FIP1L1: variants seen among roughly 807,000 people sequenced by gnomAD.
FIP1L1 encodes pre-mRNA 3'-end-processing factor FIP1.
In FIP1L1, 21 loss-of-function variants were observed where a neutral mutation model predicts 84.6. The ratio of observed to expected loss-of-function variants is 0.25; its 90% CI spans 0.18 to 0.36. The LOEUF (loss-of-function observed/expected upper bound fraction) is 0.36, where lower values mean the gene tolerates loss of function less well. Among genes scored for constraint, FIP1L1 ranks in the 10% least tolerant of loss-of-function variants. The probability of loss-of-function intolerance (pLI) is 1.00; values close to 1 mark genes in which losing one functional copy is unlikely to be tolerated. For synonymous variants in FIP1L1, 263 were observed against 242.3 expected (o/e 1.09, Z -0.80); for missense variants, 526 against 751.1 (o/e 0.70, Z 3.50).
intron 4 of FIP1L1, among the ~76,000 whole-genome samples, chr4:53,382,874 T>C (rs1464711469): frequency 3.9e-5 from 6 of 152,224 alleles, no homozygotes; most frequent in African/African-American, 1.2e-4. Flanking sequence ...TACTATGATG[T>C]GATTAAGCAC....
intron 11 of FIP1L1, among the ~76,000 whole-genome samples, chr4:53,416,495 T>C (rs1382391240): frequency 2.0e-5 from 3 of 152,176 alleles, no homozygotes; most frequent in Non-Finnish European, 4.4e-5. Context: ...AACTCTTTAT[T>C]TTCTGACTAG....
At chr4:53,378,354 CTAAA>C in intron 1 of FIP1L1, 1 of 159,410 alleles carries the variant, frequency 6.3e-6, no homozygotes, top group African/African-American at 2.4e-5. Flanking sequence ...GTAATAATAG[CTAAA>C]TAAAGTTAAT....
intron 11 of FIP1L1, among the ~76,000 whole-genome samples, chr4:53,422,704 A>G (rs185902535): frequency 1.7e-3 from 251 of 151,270 alleles, no homozygotes; most frequent in African/African-American, 5.3e-3. Flanking sequence ...TGAGATATAT[A>G]TATATGTATA....
chr4:53,389,538 C>T (rs1743012268), intron 5 of FIP1L1, among the ~76,000 whole-genome samples: 1 of 151,952 alleles, frequency 6.6e-6, no homozygotes, highest in African/African-American at 2.4e-5. Context: ...TATGTGTTAG[C>T]TGGGCACGGT....
At chr4:53,387,864 A>G (rs547498842) in intron 5 of FIP1L1, among the ~76,000 whole-genome samples, 21 of 152,338 alleles carry the variant, frequency 1.4e-4, no homozygotes, top group African/African-American at 4.8e-4. Flanking sequence ...TAAAATGTAA[A>G]CATCGTGAAG....
intron 5 of FIP1L1, among the ~76,000 whole-genome samples, chr4:53,385,793 A>G (rs1375512248): frequency 6.6e-6 from 1 of 152,136 alleles, no homozygotes; most frequent in Non-Finnish European, 1.5e-5. Flanking sequence ...TTACCCATTT[A>G]TCAGTTGATT....
intron 3 of FIP1L1, among the ~76,000 whole-genome samples, chr4:53,380,068 G>C (rs1270036101): frequency 1.3e-5 from 2 of 152,216 alleles, no homozygotes; most frequent in African/African-American, 4.8e-5. Context: ...AAATGGTGCA[G>C]CTGCTTTGAA....
At chr4:53,434,471 A>ATT (rs35389500) in intron 13 of FIP1L1, among the ~76,000 whole-genome samples, 5 of 142,488 alleles carry the variant, frequency 3.5e-5, no homozygotes, top group African/African-American at 7.7e-5. Flanking sequence ...ATCTTAGTAA[A>ATT]TTTTTTTTTT....
chr4:53,384,345 G>A (rs1739728660), intron 5 of FIP1L1, among the ~76,000 whole-genome samples: 1 of 152,034 alleles, frequency 6.6e-6, no homozygotes, highest in African/African-American at 2.4e-5. Flanking sequence ...GGAGGTGGAG[G>A]TTGCGGTGAA....
chr4:53,430,341 CTTTTTTTTTTTT>C lies in FIP1L1; in HGVS notation c.1174+2171_1174+2182del, dbSNP rs376793476. On this transcript the variant is annotated intron_variant, in intron 13 of 17. Coordinates refer to ENST00000337488, the MANE Select transcript of FIP1L1 (RefSeq NM_030917.4). ...ACTTTTTTTCAAAATGATAAAATTA[CTTTTTTTTTTTT>C]TTTTTTTTTTTTGGAGACAGGGTCT... 2.5e-3 allele frequency among the ~76,000 whole-genome samples: 188 copies of C among 75,820 alleles called. 1 individual carries two copies. Among genetic ancestry groups the C allele is most frequent in the Non-Finnish European group, 3.6e-3 (152 of 42,620 alleles). The allele number at this position is 75,820 out of a possible 152,430, so 49.7% of individuals were successfully genotyped here.
Position 53,391,118 on chromosome 4 carries a change from C to T in FIP1L1, c.615C>T (p.Thr205=), listed in dbSNP as rs1365019208. 12 of 1,604,946 alleles carry T rather than the reference C, an allele frequency of 7.5e-6. No homozygotes were observed. The Admixed American group carries it at 1.9e-4, about 26-fold the overall frequency. ...IRMGLEVIPV[T]STTNKITAED... is the part of the protein sequence containing the mutation. ...TGGGACTTGAAGTTATACCAGTAAC[C>T]TCTACTACAAATAAAATTACGGTAA... Residue 205 remains threonine, a synonymous_variant, in exon 8 of 18, where the codon ACC becomes ACT. Transcript: ENST00000337488.
At chr4:53,449,582 T>C (rs1288703131) in intron 15 of FIP1L1, among the ~76,000 whole-genome samples, 1 of 152,170 alleles carries the variant, frequency 6.6e-6, no homozygotes, top group Non-Finnish European at 1.5e-5. Flanking sequence ...AGGATTTCCC[T>C]TTATTTATAC....
chr4:53,427,536 C>G (rs1401623988), intron 12 of FIP1L1, among the ~76,000 whole-genome samples: 1 of 152,210 alleles, frequency 6.6e-6, no homozygotes, highest in Admixed American at 6.5e-5. Flanking sequence ...TCTGTTGACA[C>G]ATGCCTGACA....
At chr4:53,403,880 G>C (rs1751606224) in intron 10 of FIP1L1, among the ~76,000 whole-genome samples, 1 of 152,126 alleles carries the variant, frequency 6.6e-6, no homozygotes, top group African/African-American at 2.4e-5. Flanking sequence ...TAGTGGATTA[G>C]ACCAGCAGCA....
intron 15 of FIP1L1, among the ~76,000 whole-genome samples, chr4:53,450,745 A>G (rs1466214963): frequency 6.6e-6 from 1 of 152,180 alleles, no homozygotes; most frequent in Non-Finnish European, 1.5e-5. Flanking sequence ...ATTGAGAGAA[A>G]TATGTTAATC....
At chr4:53,415,348 A>G (rs2149774416) in intron 11 of FIP1L1, among the ~76,000 whole-genome samples, 1 of 152,316 alleles carries the variant, frequency 6.6e-6, no homozygotes, top group African/African-American at 2.4e-5. Context: ...TAATAACTTC[A>G]TCTTTAAGGG....
At chr4:53,410,368 G>C (rs1756555244) in intron 10 of FIP1L1, among the ~76,000 whole-genome samples, 3 of 152,164 alleles carry the variant, frequency 2.0e-5, no homozygotes, top group Admixed American at 1.3e-4. Context: ...GTTGTAAGAG[G>C]ATCAACTTCG....
At chr4:53,441,231 G>A (rs1771786876) in intron 13 of FIP1L1, among the ~76,000 whole-genome samples, 1 of 151,890 alleles carries the variant, frequency 6.6e-6, no homozygotes, top group South Asian at 2.1e-4. Flanking sequence ...GGTAGCAAGT[G>A]TGTCTTCCTG....
chr4:53,388,062 CT>C (rs1459319633), intron 5 of FIP1L1, among the ~76,000 whole-genome samples: 1 of 152,164 alleles, frequency 6.6e-6, no homozygotes, highest in East Asian at 1.9e-4. Context: ...GCATTTCTAG[CT>C]GTGGAGCTAC....
Sources: gnomAD v4.1 joint callset for allele counts (sites outside exome capture counted in the v4.1 genomes callset) on GRCh38, gnomAD v4.1.1 for gene constraint, MANE v1.5 for transcripts, NCBI Gene and HGNC (gene_info 2026-07-23, HGNC 2026-07-21) for gene names.